BDH1: variants seen among roughly 807,000 people sequenced by gnomAD.
BDH1 encodes the protein 3-hydroxybutyrate dehydrogenase 1.
In BDH1, 30 loss-of-function variants were observed where a neutral mutation model predicts 33.1. The observed-to-expected ratio is 0.91, with a 90% CI of 0.68 to 1.23. The LOEUF is 1.23. BDH1 is among the 50% of genes most tolerant of loss of function. BDH1 has a pLI of 0.00. For missense variants in BDH1, 443 were observed against 464.4 expected (o/e 0.95, Z 0.42); for synonymous variants, 190 against 183.6 (o/e 1.03, Z -0.28).
intron 3 of BDH1, among the ~76,000 whole-genome samples, chr3:197,537,890 T>C (rs770080322): frequency 2.0e-5 from 3 of 152,242 alleles, no homozygotes; most frequent in Non-Finnish European, 2.9e-5. Flanking sequence ...GTCATTTGGC[T>C]AGAGAGAGCA....
chr3:197,533,692 G>A, intron 3 of BDH1, 131 bp from the exon 4 acceptor site: 1 of 804,690 alleles, frequency 1.2e-6, no homozygotes, highest in Non-Finnish European at 2.0e-6. Flanking sequence ...AACTGAGTAA[G>A]AGGCCCTCTT....
upstream of BDH1, among the ~76,000 whole-genome samples, chr3:197,558,724 C>T (rs1717163135): frequency 6.6e-6 from 1 of 152,250 alleles, no homozygotes; most frequent in South Asian, 2.1e-4. Flanking sequence ...AACCACTGGA[C>T]TCCAAACACA....
intron 1 of BDH1, among the ~76,000 whole-genome samples, chr3:197,565,317 ATCACT>A (rs1255988775): frequency 6.6e-6 from 1 of 152,202 alleles, no homozygotes; most frequent in Non-Finnish European, 1.5e-5. Context: ...TCCTTGAGTT[ATCACT>A]TTGGTCAAAT....
chr3:197,532,050 CCT>C (rs1458166693), intron 5 of BDH1, among the ~76,000 whole-genome samples: 1 of 152,198 alleles, frequency 6.6e-6, no homozygotes, highest in African/African-American at 2.4e-5. Flanking sequence ...CTCGCACACC[CCT>C]GAGAATCTGC....
chr3:197,513,232 T>G (rs1246342444), intron 7 of BDH1, among the ~76,000 whole-genome samples: 1 of 152,158 alleles, frequency 6.6e-6, no homozygotes, highest in East Asian at 1.9e-4. Context: ...GGGTTGGAAG[T>G]GGATTGCATT....
In BDH1 at chr3:197,511,823, G is replaced by C. The variant is rs1198717305; in HGVS notation, c.*72C>G. On this transcript the variant is annotated 3_prime_UTR_variant, in exon 8 of 8. Transcript: ENST00000392379. Reference sequence around the variant, plus strand: ...ATAATCCACACGTGGATAATCAAGAGTTGACTATATGGGTTCCTCCCTCCC... The same window carrying C: ...ATAATCCACACGTGGATAATCAAGACTTGACTATATGGGTTCCTCCCTCCC... 3.6e-6 allele frequency: 5 copies of C among 1,391,604 alleles called. No homozygotes were observed. The highest frequency in any genetic ancestry group is 4.9e-6 in the Non-Finnish European group (5 of 1,020,518). 86.2% of individuals were successfully genotyped at this position (1,391,604 alleles called of 1,614,324 possible).
intron 4 of BDH1, 53 bp from the exon 5 acceptor site, chr3:197,532,575 T>A: frequency 7.5e-7 from 1 of 1,335,258 alleles, no homozygotes; most frequent in Non-Finnish European, 1.1e-6. Context: ...AGGGGCAAAG[T>A]GACCAGGCCT....
intron 2 of BDH1, among the ~76,000 whole-genome samples, chr3:197,550,995 A>C (rs1258126227): frequency 6.6e-6 from 1 of 152,222 alleles, no homozygotes; most frequent in Non-Finnish European, 1.5e-5. Context: ...ATAGGCATAC[A>C]ATGTGTAATA....
At chr3:197,557,221 CA>C (rs911211547), upstream of BDH1, among the ~76,000 whole-genome samples, 2 of 152,232 alleles carry the variant, frequency 1.3e-5, no homozygotes, top group African/African-American at 4.8e-5. The surrounding 1 kb of genome is among the most constrained non-coding windows in gnomAD (Gnocchi z 4.6). Context: ...AGCTGTGTCC[CA>C]ACCACCTTAG....
At position 197,532,427 on chromosome 3, in the gene BDH1, A is replaced by T. The variant is rs367568868; in HGVS notation, c.252T>A (p.Ala84=). 6.2e-7 allele frequency: 1 copy of T among 1,613,930 alleles called. No homozygotes were observed. Among genetic ancestry groups the T allele is most frequent in the African/African-American group, 1.3e-5 (1 of 74,954 alleles). The part of the protein sequence containing the change: ...HLHSKGFLVF[A]GCLMKDKGHD... ...CGTCTCTTACCTTCATCAAGCAGCC[A>T]GCAAACACAAGGAAGCCTTTTGAAT... is the stretch of plus-strand genomic sequence containing the variant. The change falls in exon 5 of 8, where the codon GCT becomes GCA. Residue 84 remains alanine (A), a synonymous_variant. Coordinates refer to ENST00000392379, the MANE Select transcript of BDH1 (RefSeq NM_203314.3).
chr3:197,512,394 G>A (rs1395369420), intron 7 of BDH1, 30 bp from the exon 8 acceptor site: 3 of 1,576,486 alleles, frequency 1.9e-6, no homozygotes, highest in Non-Finnish European at 2.6e-6. Flanking sequence ...TACCTGCTAA[G>A]CCGTTACTGC....
In BDH1 at chr3:197,544,366, G is replaced by A. The variant is rs28447027; in HGVS notation, c.83+1995C>T. Among the ~76,000 whole-genome samples, 616 of 152,248 alleles carry A rather than the reference G, an allele frequency of 4.0e-3. 6 individuals carry two copies. The highest frequency in any genetic ancestry group is 0.014 in the African/African-American group (582 of 41,538). The stretch of plus-strand genomic sequence containing the variant: ...TGACAATCTTTCTTTCCCCTCAAGT[G>A]AGCCAGGAGCTTGACTAATGCCTCA... On this transcript the variant is annotated intron_variant, in intron 3 of 7. Coordinates refer to ENST00000392379, the MANE Select transcript of BDH1 (RefSeq NM_203314.3).
chr3:197,555,443 G>A (rs1038071880), intron 1 of BDH1: 10 of 152,338 alleles, frequency 6.6e-5, no homozygotes, highest in African/African-American at 2.4e-4. Flanking sequence ...GCGCCGGCAG[G>A]AAACGATGAG....
rs748231567 is a variant in BDH1, at chr3:197,552,676, C to G, written c.-44+1886G>C. ...ACTAAAATGTTTACTAAGACATTCT[C>G]TGGCCACCCCATCTATCCCACCCCA... On this transcript the variant is annotated intron_variant, in intron 2 of 7. Transcript: ENST00000392379. 1.9e-4 allele frequency among the ~76,000 whole-genome samples: 29 copies of G among 152,224 alleles called. 1 individual carries two copies. The highest frequency in any genetic ancestry group is 3.9e-4 in the Admixed American group (6 of 15,286).
intron 1 of BDH1, among the ~76,000 whole-genome samples, chr3:197,563,480 C>T (rs954197714): frequency 7.9e-5 from 12 of 152,128 alleles, no homozygotes; most frequent in Non-Finnish European, 1.2e-4. Context: ...ATCTTTTTCA[C>T]GTCTCTGTTA....
chr3:197,514,373 C>T lies in BDH1; in HGVS notation c.453G>A (p.Gly151=), dbSNP rs747545586. 4 of 1,612,906 alleles carry T rather than the reference C, an allele frequency of 2.5e-6. No individual in the cohort carries two copies. The highest frequency in any genetic ancestry group is 3.4e-6 in the Non-Finnish European group (4 of 1,179,440). Residue 151 remains glycine (G), a synonymous_variant, in exon 7 of 8, where the codon GGG becomes GGA. Coordinates refer to ENST00000392379, the MANE Select transcript of BDH1 (RefSeq NM_203314.3). This position sits in a 1 kb window ranked among gnomAD's most constrained non-coding sequence, Gnocchi z 4.2. ...TCTCCAGGCTGGTGAACTCCACCTC[C>T]CCGAACGTTGAGATGCCGGCATTGT... ...LVNNAGISTF[G]EVEFTSLETY...
rs999160535 is a variant in BDH1 at position 197,523,272 on chromosome 3, A to G, written c.268-491T>C. The G allele has an allele frequency of 8.5e-5, 13 of 153,188 alleles. No individual in the cohort carries two copies. Among genetic ancestry groups the G allele is most frequent in the African/African-American group, 3.1e-4 (13 of 41,382 alleles). 9.5% of individuals were successfully genotyped at this position (153,188 alleles called of 1,614,324 possible). ...GAAGGCCAAAGCACGTCCACAGGCCACATAGGACCAGCAGGCTGCCAGTTT... is the reference window on the plus strand; with the variant it reads ...GAAGGCCAAAGCACGTCCACAGGCCGCATAGGACCAGCAGGCTGCCAGTTT... On this transcript the variant is annotated intron_variant, in intron 5 of 7. Transcript: ENST00000392379. This position sits in a 1 kb window ranked among gnomAD's most constrained non-coding sequence, Gnocchi z 4.5.
intron 3 of BDH1, among the ~76,000 whole-genome samples, chr3:197,536,062 TTA>T (rs1360115513): frequency 1.2e-4 from 18 of 152,086 alleles, no homozygotes; most frequent in African/African-American, 4.3e-4. Context: ...AAAAAAAGTT[TTA>T]TAGTTTTATG....
chr3:197,524,217 A>G (rs1280084850), intron 5 of BDH1, among the ~76,000 whole-genome samples: 1 of 152,224 alleles, frequency 6.6e-6, no homozygotes, highest in Non-Finnish European at 1.5e-5. Flanking sequence ...GCATAGTGAC[A>G]CCTCTTGTAA....
Sources: allele counts gnomAD v4.1 joint callset (sites outside exome capture counted in the v4.1 genomes callset), GRCh38; gene constraint gnomAD v4.1.1; non-coding constraint Gnocchi (gnomAD v3.1); transcripts MANE v1.5; gene names NCBI Gene and HGNC (gene_info 2026-07-23, HGNC 2026-07-21).